HDAC4: variants seen among roughly 807,000 people sequenced by gnomAD.
HDAC4 encodes the protein histone deacetylase 4.
Under a neutral mutation model 135.1 loss-of-function variants are expected in HDAC4, and 16 were observed. That is an observed-to-expected ratio of 0.12 (90% CI 0.08 to 0.18). The LOEUF (loss-of-function observed/expected upper bound fraction) is 0.18, where lower values mean the gene tolerates loss of function less well. Ranked by LOEUF, HDAC4 falls within the 10% of genes least tolerant of loss-of-function variation. HDAC4 has a pLI of 1.00. For synonymous variants in HDAC4, 685 were observed against 653.4 expected, an observed-to-expected ratio of 1.05 and a Z score of -0.74; for missense variants, 1,143 against 1,511.8, an observed-to-expected ratio of 0.76 and a Z score of 4.05.
At chr2:239,250,111 C>T (rs574301709) in intron 2 of HDAC4, among the ~76,000 whole-genome samples, 4 of 152,384 alleles carry the variant, frequency 2.6e-5, no homozygotes, top group South Asian at 2.1e-4. Flanking sequence ...GGGAATACCC[C>T]GCTCCACATC....
chr2:239,328,561 A>G (rs1446744964), intron 2 of HDAC4, among the ~76,000 whole-genome samples: 1 of 152,196 alleles, frequency 6.6e-6, no homozygotes, highest in Non-Finnish European at 1.5e-5. Context: ...AAATACTCCC[A>G]ACGAGGAAAA....
intron 2 of HDAC4, among the ~76,000 whole-genome samples, chr2:239,260,407 AC>A (rs2125083644): frequency 6.6e-6 from 1 of 152,338 alleles, no homozygotes; most frequent in South Asian, 2.1e-4. Context: ...GGGTGCTGAT[AC>A]GAGTATTAAC....
At chr2:239,274,721 G>A (rs982315482) in intron 2 of HDAC4, among the ~76,000 whole-genome samples, 1 of 152,166 alleles carries the variant, frequency 6.6e-6, no homozygotes, top group African/African-American at 2.4e-5. Flanking sequence ...GTGCAGAGCT[G>A]TCACCGTGAC....
chr2:239,137,515 G>A (rs1314678733), intron 9 of HDAC4, among the ~76,000 whole-genome samples: 2 of 152,156 alleles, frequency 1.3e-5, no homozygotes, highest in Non-Finnish European at 2.9e-5. Context: ...GGAGGTGCCC[G>A]GCACACTGGG....
intron 2 of HDAC4, among the ~76,000 whole-genome samples, chr2:239,345,507 G>A (rs1159736504): frequency 1.3e-5 from 2 of 151,838 alleles, no homozygotes; most frequent in Admixed American, 1.3e-4. Flanking sequence ...AGGCTGAGGT[G>A]CATACCACCA....
At chr2:239,159,696 G>A (rs758363407) in intron 6 of HDAC4, among the ~76,000 whole-genome samples, 15 of 151,904 alleles carry the variant, frequency 9.9e-5, no homozygotes, top group Non-Finnish European at 2.1e-4. Flanking sequence ...CACTCACCCC[G>A]GCCACACTCC....
At chr2:239,320,332 A>T (rs1226600029) in intron 2 of HDAC4, among the ~76,000 whole-genome samples, 1 of 148,276 alleles carries the variant, frequency 6.7e-6, no homozygotes, top group Non-Finnish European at 1.5e-5. Flanking sequence ...CAGTGAGTCG[A>T]GATCGCACCA....
intron 1 of HDAC4, among the ~76,000 whole-genome samples, chr2:239,366,430 C>T (rs1694219701): frequency 6.6e-6 from 1 of 152,230 alleles, no homozygotes; most frequent in Non-Finnish European, 1.5e-5. Flanking sequence ...AAAGAGATGT[C>T]AGCACTGAGG....
chr2:239,263,425 T>C (rs1322358996), intron 2 of HDAC4, among the ~76,000 whole-genome samples: 1 of 151,580 alleles, frequency 6.6e-6, no homozygotes, highest in Non-Finnish European at 1.5e-5. Flanking sequence ...GTGAACAGCT[T>C]CCCCCTCGGA....
chr2:239,326,263 C>T (rs79732331), intron 2 of HDAC4, among the ~76,000 whole-genome samples: 2,615 of 152,240 alleles, frequency 0.017, 42 homozygotes, highest in East Asian at 0.091. Flanking sequence ...AAAGAAGCCA[C>T]GCACAAAAGG....
intron 1 of HDAC4, among the ~76,000 whole-genome samples, chr2:239,368,404 TGGC>T (rs1447211239): frequency 6.6e-6 from 1 of 152,208 alleles, no homozygotes; most frequent in Non-Finnish European, 1.5e-5. Context: ...CTTGCGTGGC[TGGC>T]GCTGCTGCAT....
At position 239,082,132 on chromosome 2, in the gene HDAC4, G is replaced by A. The variant is rs1252674213; in HGVS notation, c.2622C>T (p.Asn874=). The change falls in exon 21 of 27, where the codon AAC becomes AAT. Residue 874 remains asparagine (N), a synonymous_variant. Coordinates refer to ENST00000543185, the MANE Select transcript of HDAC4 (RefSeq NM_001378414.1). ...CAGGAGCCCCGCTGCCTGGGAAGAA[G>A]TTCCCATCGTCGTAGCGGTGGAGGG... ...YMSLHRYDDG[N]FFPGSGAPDE... The A allele has an allele frequency of 1.2e-6, 2 of 1,614,154 alleles. No individual in the cohort carries two copies. Among genetic ancestry groups the A allele is most frequent in the Non-Finnish European group, 8.5e-7 (1 of 1,180,016 alleles).
intron 2 of HDAC4, among the ~76,000 whole-genome samples, chr2:239,318,907 C>CT (rs2053208618): frequency 6.6e-6 from 1 of 152,086 alleles, no homozygotes; most frequent in Admixed American, 6.5e-5. Flanking sequence ...ATGTAGAACA[C>CT]TAAGACTACA....
chr2:239,080,045 C>T (rs557938487), intron 22 of HDAC4, among the ~76,000 whole-genome samples: 5 of 151,606 alleles, frequency 3.3e-5, no homozygotes, highest in African/African-American at 1.2e-4. Context: ...CACAGATGAA[C>T]ACCCACCCAC....
chr2:239,388,289 G>A (rs1013430941), intron 1 of HDAC4, among the ~76,000 whole-genome samples: 6 of 152,180 alleles, frequency 3.9e-5, no homozygotes, highest in Admixed American at 6.5e-5. Flanking sequence ...GTGGCTCTCC[G>A]CTCGCTGGAG....
intron 2 of HDAC4, among the ~76,000 whole-genome samples, chr2:239,264,523 A>C (rs1167910669): frequency 6.6e-6 from 1 of 152,230 alleles, no homozygotes; most frequent in African/African-American, 2.4e-5. Flanking sequence ...AGGACAGCCA[A>C]CCACATGCGA....
At chr2:239,085,478 G>A (rs544017247) in intron 19 of HDAC4, among the ~76,000 whole-genome samples, 1 of 152,334 alleles carries the variant, frequency 6.6e-6, no homozygotes, top group Admixed American at 6.5e-5. Flanking sequence ...GGCTCACGGG[G>A]AGCACAGCGA....
At chr2:239,162,466 A>G in intron 6 of HDAC4, 1 of 400,392 alleles carries the variant, frequency 2.5e-6, no homozygotes, top group South Asian at 1.8e-5. Flanking sequence ...AGCCAGTAGG[A>G]CAATGGAGTT....
intron 3 of HDAC4, among the ~76,000 whole-genome samples, chr2:239,230,582 T>G (rs998841093): frequency 6.6e-6 from 1 of 152,112 alleles, no homozygotes. Flanking sequence ...CTCTTCTTCC[T>G]GCCACTCCTG....
Sources: allele counts gnomAD v4.1 joint callset (sites outside exome capture counted in the v4.1 genomes callset), GRCh38; gene constraint gnomAD v4.1.1; transcripts MANE v1.5; gene names NCBI Gene and HGNC (gene_info 2026-07-23, HGNC 2026-07-21).